Variants in FNIP1 observed in about 807,000 individuals in gnomAD.
FNIP1 encodes folliculin interacting protein 1, also known as folliculin-interacting protein 1.
FNIP1 carries 40 observed loss-of-function variants against 124.5 expected under a neutral mutation model. The observed-to-expected ratio is 0.32, with a 90% CI of 0.25 to 0.42. FNIP1 has a LOEUF of 0.42. Among genes scored for constraint, FNIP1 ranks in the 10% least tolerant of loss-of-function variants. FNIP1 has a pLI of 1.00. For missense variants in FNIP1, 1,176 were observed against 1,403.7 expected, an observed-to-expected ratio of 0.84 and a Z score of 2.59; for synonymous variants, 472 against 470.6, an observed-to-expected ratio of 1.00 and a Z score of -0.04.
At chr5:131,681,638 G>A (rs1768084203) in intron 11 of FNIP1, among the ~76,000 whole-genome samples, 1 of 140,336 alleles carries the variant, frequency 7.1e-6, no homozygotes. Flanking sequence ...CCAAAAATAA[G>A]AAAGCATCAA....
chr5:131,660,739 G>A (rs1767403441), intron 15 of FNIP1, among the ~76,000 whole-genome samples: 1 of 152,192 alleles, frequency 6.6e-6, no homozygotes, highest in African/African-American at 2.4e-5. Flanking sequence ...CCCCTGGGCA[G>A]TTACAAATTT....
intron 15 of FNIP1, 37 bp downstream of exon 15, chr5:131,670,426 C>A: frequency 6.7e-7 from 1 of 1,495,532 alleles, no homozygotes; most frequent in South Asian, 1.4e-5. Flanking sequence ...AACAGAGTTT[C>A]TTCTAAATAA....
Position 131,779,007 on chromosome 5 carries a change from GA to G in FNIP1, c.92+17822del, listed in dbSNP as rs1771906120. 3.0e-5 allele frequency among the ~76,000 whole-genome samples: 3 copies of G among 99,228 alleles called. No individual in the cohort carries two copies. In the South Asian group the frequency reaches 1.4e-3, roughly 47 times the overall value. 65.1% of individuals were successfully genotyped at this position (99,228 alleles called of 152,430 possible). ...TCTGGGGACTGTGGTGGGGAGGGGGGAGGGGGGAGGGATAGCATTGGGAGAT... is the reference window on the plus strand; with the variant it reads ...TCTGGGGACTGTGGTGGGGAGGGGGGGGGGGGAGGGATAGCATTGGGAGAT... On this transcript the variant is annotated intron_variant, in intron 1 of 17. Transcript: ENST00000510461.
chr5:131,719,097 A>G (rs781369798), intron 4 of FNIP1, 37 bp from the exon 5 acceptor site: 5 of 1,560,732 alleles, frequency 3.2e-6, no homozygotes, highest in Non-Finnish European at 4.4e-6. Context: ...ACCAAAACTA[A>G]AATATAATGA....
chr5:131,774,599 C>T (rs1395457449), intron 1 of FNIP1, among the ~76,000 whole-genome samples: 2 of 152,132 alleles, frequency 1.3e-5, no homozygotes, highest in African/African-American at 4.8e-5. Context: ...ATAAAGGTAA[C>T]CTCTAGTTAA....
At chr5:131,693,791 C>G (rs1466085427) in intron 11 of FNIP1, among the ~76,000 whole-genome samples, 1 of 151,880 alleles carries the variant, frequency 6.6e-6, no homozygotes, top group Non-Finnish European at 1.5e-5. Context: ...AAGCCACAAA[C>G]TGTAAGAAGT....
intron 15 of FNIP1, among the ~76,000 whole-genome samples, chr5:131,660,792 T>C (rs1431479444): frequency 6.6e-6 from 1 of 152,164 alleles, no homozygotes; most frequent in Non-Finnish European, 1.5e-5. Flanking sequence ...CTGCCCACGG[T>C]GTGGTAGTCC....
At chr5:131,699,105 T>C (rs1768803226) in intron 10 of FNIP1, 103 bp from the exon 11 acceptor site, 1 of 711,418 alleles carries the variant, frequency 1.4e-6, no homozygotes, top group Non-Finnish European at 2.2e-6. Flanking sequence ...CAACGCTCTA[T>C]CAAAATTCTT....
At chr5:131,790,872 T>TA (rs1772386471) in intron 1 of FNIP1, among the ~76,000 whole-genome samples, 1 of 152,052 alleles carries the variant, frequency 6.6e-6, no homozygotes, top group African/African-American at 2.4e-5. Flanking sequence ...TCCCAGAATC[T>TA]AAAATAAATC....
intron 11 of FNIP1, among the ~76,000 whole-genome samples, chr5:131,692,971 G>C (rs890232250): frequency 1.3e-5 from 2 of 151,086 alleles, no homozygotes; most frequent in Admixed American, 6.6e-5. Flanking sequence ...TCGCACCACT[G>C]CACTCCAGCC....
chr5:131,776,235 AT>A (rs972068434), intron 1 of FNIP1, among the ~76,000 whole-genome samples: 8 of 152,316 alleles, frequency 5.3e-5, no homozygotes, highest in African/African-American at 1.4e-4. Context: ...TTTTATCTAT[AT>A]CTTCTACATC....
intron 11 of FNIP1, 22 bp downstream of exon 11, chr5:131,698,895 T>C: frequency 5.7e-6 from 9 of 1,581,128 alleles, no homozygotes; most frequent in African/African-American, 1.4e-5. Context: ...TACTGCATTA[T>C]GGAAAGCTGG....
chr5:131,644,567 G>T lies in FNIP1; in HGVS notation c.*118C>A. 1.2e-6 allele frequency: 1 copy of T among 811,144 alleles called. No individual in the cohort carries two copies. The highest frequency in any genetic ancestry group is 2.0e-6 in the Non-Finnish European group (1 of 492,978). 50.2% of individuals were successfully genotyped at this position (811,144 alleles called of 1,614,324 possible). On this transcript the variant is annotated 3_prime_UTR_variant, in exon 18 of 18. Transcript: ENST00000510461. ...ACAATGCTATGCAGAATACCCTGGT[G>T]ACTGACTCATTCAGATGGAAGTCTA...
chr5:131,646,447 A>G (rs1199980540), intron 17 of FNIP1, among the ~76,000 whole-genome samples: 1 of 152,216 alleles, frequency 6.6e-6, no homozygotes, highest in Non-Finnish European at 1.5e-5. Flanking sequence ...CCCATCATAA[A>G]AGCCAAATTA....
intron 1 of FNIP1, among the ~76,000 whole-genome samples, chr5:131,784,008 C>CA (rs34867527): frequency 0.65 from 91,483 of 140,032 alleles, 30,326 homozygotes; most frequent in Non-Finnish European, 0.77. Context: ...CTGCCCCCAA[C>CA]AAAAAAAAAA....
chr5:131,652,642 G>A (rs1767074573), intron 15 of FNIP1, among the ~76,000 whole-genome samples: 1 of 152,114 alleles, frequency 6.6e-6, no homozygotes, highest in South Asian at 2.1e-4. Context: ...CACCTGGCCT[G>A]AGACAAACAT....
At chr5:131,688,942 T>TA (rs544012689) in intron 11 of FNIP1, among the ~76,000 whole-genome samples, 10 of 150,158 alleles carry the variant, frequency 6.7e-5, no homozygotes, top group African/African-American at 9.8e-5. Flanking sequence ...AGCTTCGAAT[T>TA]AAAAAAAAAT....
chr5:131,710,775 G>C (rs1769261935), intron 6 of FNIP1, 114 bp from the exon 7 acceptor site: 6 of 694,514 alleles, frequency 8.6e-6, no homozygotes, highest in Non-Finnish European at 1.4e-5. Context: ...AAATATGGAT[G>C]GAAACTTTTA....
intron 3 of FNIP1, among the ~76,000 whole-genome samples, chr5:131,721,712 C>A (rs769866615): frequency 6.6e-6 from 1 of 152,168 alleles, no homozygotes; most frequent in East Asian, 1.9e-4. Context: ...GCAGGAGAAT[C>A]GCTTGAGCCC....
Sources: allele counts gnomAD v4.1 joint callset (sites outside exome capture counted in the v4.1 genomes callset), GRCh38; gene constraint gnomAD v4.1.1; transcripts MANE v1.5; gene names NCBI Gene and HGNC (gene_info 2026-07-23, HGNC 2026-07-21).